STARD9: variants seen among roughly 807,000 people sequenced by gnomAD.
STARD9 encodes the protein StAR related lipid transfer domain containing 9.
A neutral mutation model predicts 399.8 loss-of-function variants in STARD9; 346 were observed. The observed-to-expected ratio is 0.87, with a 90% CI of 0.79 to 0.95. The LOEUF (loss-of-function observed/expected upper bound fraction) is 0.95, where lower values mean the gene tolerates loss of function less well. Ranked by LOEUF, STARD9 falls within the 40% of genes least tolerant of loss-of-function variation. STARD9 has a pLI of 0.00. For synonymous variants in STARD9, 2,203 were observed against 2,143.5 expected (o/e 1.03, Z -0.77); for missense variants, 5,832 against 5,667.5 (o/e 1.03, Z -0.93).
chr15:42,601,602 G>A (rs1216688939), intron 3 of STARD9, among the ~76,000 whole-genome samples: 1 of 151,002 alleles, frequency 6.6e-6, no homozygotes, highest in Admixed American at 6.6e-5. Flanking sequence ...CGGACGGGGC[G>A]GCTGGCCGGG....
chr15:42,669,432 G>A, intron 16 of STARD9, 95 bp downstream of exon 16: 1 of 1,160,958 alleles, frequency 8.6e-7, no homozygotes, highest in Non-Finnish European at 1.2e-6. Flanking sequence ...ACTGTGAATT[G>A]AAATCAAGAC....
chr15:42,674,334 C>T, intron 16 of STARD9, 106 bp from the exon 17 acceptor site: 1 of 914,802 alleles, frequency 1.1e-6, no homozygotes, highest in South Asian at 1.5e-5. Context: ...AGAAGTGGTA[C>T]AGATGAGGCT....
In STARD9 at chr15:42,634,990, A is replaced by G. The variant is rs377240528; in HGVS notation, c.351+18A>G. 1.4e-6 allele frequency: 2 copies of G among 1,381,518 alleles called. No homozygotes were observed. Among genetic ancestry groups the G allele is most frequent in the East Asian group, 2.5e-5 (1 of 39,758 alleles). 85.6% of individuals were successfully genotyped at this position (1,381,518 alleles called of 1,614,324 possible). On this transcript the variant is annotated intron_variant, in intron 4 of 32. Transcript: ENST00000290607. Reference sequence around the variant, plus strand: ...GGACCCCAGTGAGTATTACAATGATATATATTCCTAATGCCACAGCAAGCC... The same window carrying G: ...GGACCCCAGTGAGTATTACAATGATGTATATTCCTAATGCCACAGCAAGCC...
At chr15:42,662,504 G>A (rs1461136189) in intron 10 of STARD9, among the ~76,000 whole-genome samples, 2 of 152,156 alleles carry the variant, frequency 1.3e-5, no homozygotes, top group African/African-American at 4.8e-5. Flanking sequence ...AAAAAGCCGT[G>A]CTAATATCAT....
intron 3 of STARD9, among the ~76,000 whole-genome samples, chr15:42,627,687 C>T (rs2059253672): frequency 6.6e-6 from 1 of 152,158 alleles, no homozygotes; most frequent in African/African-American, 2.4e-5. Context: ...ACAAGTTTGT[C>T]TTTCTGTGCC....
At chr15:42,718,971 GGATTTTTCTGTCTCGCTT>G in intron 32 of STARD9, 61 bp downstream of exon 32, 1 of 1,471,634 alleles carries the variant, frequency 6.8e-7, no homozygotes, top group Non-Finnish European at 9.2e-7. Context: ...CAGCCCCCTG[GGATTTTTCTGTCTCGCTT>G]TTGAACACCC....
chr15:42,670,735 G>C (rs1438525985), intron 16 of STARD9: 1 of 152,184 alleles, frequency 6.6e-6, no homozygotes, highest in African/African-American at 2.4e-5. Flanking sequence ...TTGGGAAGTT[G>C]TCAGAGACTG....
intron 3 of STARD9, among the ~76,000 whole-genome samples, chr15:42,602,430 A>G (rs2058647225): frequency 1.3e-5 from 2 of 152,246 alleles, no homozygotes; most frequent in Admixed American, 1.3e-4. Flanking sequence ...AATGCCCAGT[A>G]AAGCAAAGAA....
chr15:42,636,921 A>G (rs1168543699), intron 4 of STARD9, among the ~76,000 whole-genome samples: 1 of 151,920 alleles, frequency 6.6e-6, no homozygotes, highest in African/African-American at 2.4e-5. Flanking sequence ...CAAATTAGCC[A>G]GGTGTGGTGG....
In STARD9 at chr15:42,682,210, T is replaced by C; in HGVS notation, c.2172T>C (p.Asp724=). ...AACTTGAGGCATCTGTGGCACTTGA[T>C]GCTTGGCTTCAGACAGATCCTGAGA... ...EKELEASVAL[D]AWLQTDPEIQ... is the part of the protein sequence containing the mutation. Residue 724 remains aspartate (D), a synonymous_variant, in exon 22 of 33, where the codon GAT becomes GAC. Coordinates refer to ENST00000290607, the MANE Select transcript of STARD9 (RefSeq NM_020759.3). 1 of 1,537,272 alleles carries C rather than the reference T, an allele frequency of 6.5e-7. No individual in the cohort carries two copies. The highest frequency in any genetic ancestry group is 8.7e-7 in the Non-Finnish European group (1 of 1,146,900).
chr15:42,683,598 T>C (rs951135941), intron 22 of STARD9, among the ~76,000 whole-genome samples: 2 of 152,200 alleles, frequency 1.3e-5, no homozygotes, highest in African/African-American at 2.4e-5. Context: ...CTTTTTTCTC[T>C]CTCTTTTTTC....
intron 1 of STARD9, chr15:42,581,157 C>T: frequency 1.3e-6 from 1 of 753,506 alleles, no homozygotes; most frequent in South Asian, 1.4e-5. Context: ...GCATCACCCC[C>T]CAGCTGCATG....
intron 26 of STARD9, among the ~76,000 whole-genome samples, chr15:42,699,603 C>T (rs554263361): frequency 5.9e-5 from 9 of 151,598 alleles, no homozygotes; most frequent in Non-Finnish European, 1.0e-4. Flanking sequence ...CCATGTTAGC[C>T]AGGATGGTCT....
At chr15:42,666,009 C>T (rs1301651353) in intron 15 of STARD9, among the ~76,000 whole-genome samples, 161 bp downstream of exon 15, 1 of 152,170 alleles carries the variant, frequency 6.6e-6, no homozygotes, top group Non-Finnish European at 1.5e-5. Context: ...GATGTGTTTG[C>T]CTAGGGGGAC....
intron 3 of STARD9, among the ~76,000 whole-genome samples, chr15:42,603,771 A>G (rs2141767044): frequency 6.6e-6 from 1 of 152,274 alleles, no homozygotes; most frequent in Admixed American, 6.5e-5. Flanking sequence ...TGGGAGGGCC[A>G]CAGGACCAGA....
At chr15:42,654,960 C>T (rs1595714071) in intron 9 of STARD9, among the ~76,000 whole-genome samples, 1 of 152,156 alleles carries the variant, frequency 6.6e-6, no homozygotes, top group South Asian at 2.1e-4. Flanking sequence ...AAAAAGAGCC[C>T]ACATAGCCAA....
intron 26 of STARD9, among the ~76,000 whole-genome samples, chr15:42,709,664 G>C (rs140027750): frequency 0.014 from 2,094 of 152,262 alleles, 62 homozygotes; most frequent in African/African-American, 0.048. Flanking sequence ...CAGCCTGGGT[G>C]ACAGAGCAAG....
chr15:42,582,662 G>A (rs1017011990), intron 1 of STARD9, among the ~76,000 whole-genome samples: 2 of 152,114 alleles, frequency 1.3e-5, no homozygotes, highest in African/African-American at 2.4e-5. Context: ...AGATGATGCC[G>A]TGTTATATGC....
In STARD9 at chr15:42,687,679, G is replaced by A. The variant is rs1455323562; in HGVS notation, c.6101G>A (p.Gly2034Glu). The change falls in exon 23 of 33, where the codon GGA (glycine) becomes GAA (glutamate). Residue 2034 changes from glycine (G) to glutamate (E), a missense_variant. Gly to Glu is a moderately conservative substitution (Grantham distance 98, BLOSUM62 -2). Transcript: ENST00000290607. ...TTAAATCCCAACAGAGAACCTTCTGGAAAGAAACAGAATAAAAGAGTTAAT... is the reference window on the plus strand; with the variant it reads ...TTAAATCCCAACAGAGAACCTTCTGAAAAGAAACAGAATAAAAGAGTTAAT... ...EMLNPNREPS[G>E]KKQNKRVNNT... 3 of 1,536,980 alleles carry A rather than the reference G, an allele frequency of 2.0e-6. No homozygotes were observed. The African/African-American group carries it at 4.1e-5, about 21-fold the overall frequency.
Sources: gnomAD v4.1 joint callset for allele counts (sites outside exome capture counted in the v4.1 genomes callset) on GRCh38, gnomAD v4.1.1 for gene constraint, MANE v1.5 for transcripts, NCBI Gene and HGNC (gene_info 2026-07-23, HGNC 2026-07-21) for gene names.